Variants in TRAF3 observed in about 807,000 individuals in gnomAD.
TRAF3 encodes TNF receptor associated factor 3.
Under a neutral mutation model 62.3 loss-of-function variants are expected in TRAF3, and 13 were observed. The observed-to-expected ratio is 0.21, with a 90% CI of 0.14 to 0.33. The LOEUF is 0.33. TRAF3 is among the 10% of genes least tolerant of loss of function. The probability of loss-of-function intolerance (pLI) is 1.00; values close to 1 mark genes in which losing one functional copy is unlikely to be tolerated. For synonymous variants in TRAF3, 269 were observed against 283.4 expected (o/e 0.95, Z 0.51); for missense variants, 440 against 741.8 (o/e 0.59, Z 4.73).
intron 1 of TRAF3, among the ~76,000 whole-genome samples, chr14:102,778,322 GGGCTGGCC>G (rs1321538832): frequency 6.6e-6 from 1 of 151,866 alleles, no homozygotes; most frequent in Non-Finnish European, 1.5e-5. Context: ...GGCTCTCGGC[GGGCTGGCC>G]GGTTCCACGC....
chr14:102,811,913 C>CTTTTTTTTTGTTTTTT (rs1899196619), intron 1 of TRAF3, among the ~76,000 whole-genome samples: 1 of 47,076 alleles, frequency 2.1e-5, no homozygotes, highest in Non-Finnish European at 3.7e-5. Flanking sequence ...ATGCCTGGCC[C>CTTTTTTTTTGTTTTTT]TTTTTTTTTT....
Position 102,796,318 on chromosome 14 carries a change from G to A in TRAF3, c.-157+18643G>A, listed in dbSNP as rs527698448. 7.2e-5 allele frequency among the ~76,000 whole-genome samples: 11 copies of A among 152,306 alleles called. 3 individuals are homozygous for A. Among genetic ancestry groups the A allele is most frequent in the African/African-American group, 2.2e-4 (9 of 41,588 alleles). On this transcript the variant is annotated intron_variant, in intron 1 of 11. Transcript: ENST00000392745. The stretch of plus-strand genomic sequence containing the variant: ...CCCGAGGGAGGGCATGGAGGCTCCC[G>A]CCTGGCCTCATACCTCGCCCTTTGC...
At chr14:102,803,282 C>G (rs1025766802) in intron 1 of TRAF3, among the ~76,000 whole-genome samples, 2 of 152,150 alleles carry the variant, frequency 1.3e-5, no homozygotes, top group African/African-American at 4.8e-5. Flanking sequence ...CTTGGAATGT[C>G]AGCCCTCAGC....
At chr14:102,847,066 G>A (rs1017757763) in intron 2 of TRAF3, among the ~76,000 whole-genome samples, 3 of 152,036 alleles carry the variant, frequency 2.0e-5, no homozygotes, top group African/African-American at 7.3e-5. Context: ...TATAGTGCAT[G>A]TTCCATTAAA....
At chr14:102,789,736 A>G (rs529193672) in intron 1 of TRAF3, among the ~76,000 whole-genome samples, 2 of 152,020 alleles carry the variant, frequency 1.3e-5, no homozygotes, top group Non-Finnish European at 2.9e-5. Flanking sequence ...ATGTCTTTTC[A>G]TGTGACTCTT....
chr14:102,796,233 C>G (rs542168389), intron 1 of TRAF3, among the ~76,000 whole-genome samples: 2 of 152,268 alleles, frequency 1.3e-5, no homozygotes, highest in East Asian at 3.9e-4. Flanking sequence ...CAAACAAACA[C>G]TCAAGGACAG....
chr14:102,870,133 T>A, intron 2 of TRAF3, 52 bp from the exon 3 acceptor site: 1 of 1,613,116 alleles, frequency 6.2e-7, no homozygotes, highest in Non-Finnish European at 8.5e-7. Context: ...AAGCTGTGTT[T>A]GTTTCCTTGC....
chr14:102,855,612 A>G (rs1309719421), intron 2 of TRAF3, among the ~76,000 whole-genome samples: 1 of 152,094 alleles, frequency 6.6e-6, no homozygotes, highest in African/African-American at 2.4e-5. Flanking sequence ...CCTGGGCAAC[A>G]TGGTGAAACC....
At chr14:102,898,605 G>A (rs1890120843) in intron 10 of TRAF3, among the ~76,000 whole-genome samples, 1 of 152,200 alleles carries the variant, frequency 6.6e-6, no homozygotes, top group Admixed American at 6.5e-5. Flanking sequence ...AAAGGCCGGG[G>A]AAATCACCTC....
At chr14:102,865,058 G>C (rs1020481974) in intron 2 of TRAF3, among the ~76,000 whole-genome samples, 1 of 152,104 alleles carries the variant, frequency 6.6e-6, no homozygotes, top group Non-Finnish European at 1.5e-5. Flanking sequence ...TGTCCTATTT[G>C]CTTCAGGAGG....
intron 11 of TRAF3, among the ~76,000 whole-genome samples, chr14:102,904,106 C>G (rs1349785179): frequency 6.6e-6 from 1 of 152,148 alleles, no homozygotes; most frequent in Admixed American, 6.5e-5. Context: ...CTCCCACCAG[C>G]GGGCTTCCCA....
intron 2 of TRAF3, among the ~76,000 whole-genome samples, chr14:102,860,088 C>G (rs977540147): frequency 1.3e-5 from 2 of 152,224 alleles, no homozygotes; most frequent in Non-Finnish European, 2.9e-5. Context: ...TCTTATCTCT[C>G]AGTGGGGAAG....
At chr14:102,859,557 A>T (rs1027334002) in intron 2 of TRAF3, among the ~76,000 whole-genome samples, 2 of 152,256 alleles carry the variant, frequency 1.3e-5, no homozygotes, top group African/African-American at 4.8e-5. Flanking sequence ...GCGTTTAGCA[A>T]ACCTAAAATT....
chr14:102,828,883 C>A (rs1209561688), intron 1 of TRAF3, among the ~76,000 whole-genome samples: 2 of 151,886 alleles, frequency 1.3e-5, no homozygotes, highest in Non-Finnish European at 2.9e-5. Context: ...ATATTCATTT[C>A]TTTAACTTAA....
chr14:102,852,080 AAAAAG>A (rs1887076643), intron 2 of TRAF3, among the ~76,000 whole-genome samples: 1 of 152,162 alleles, frequency 6.6e-6, no homozygotes, highest in Non-Finnish European at 1.5e-5. Context: ...TCAAAAGAAA[AAAAAG>A]AAAAGAAATT....
intron 2 of TRAF3, among the ~76,000 whole-genome samples, chr14:102,863,155 C>T (rs975188073): frequency 1.3e-5 from 2 of 152,120 alleles, no homozygotes; most frequent in African/African-American, 2.4e-5. Flanking sequence ...TGCATGTGAA[C>T]CATACTTTCT....
intron 2 of TRAF3, among the ~76,000 whole-genome samples, chr14:102,852,061 GAAAT>G (rs760474721): frequency 3.3e-4 from 50 of 151,658 alleles, no homozygotes; most frequent in Admixed American, 1.3e-3. Flanking sequence ...GAAAATAAAA[GAAAT>G]AACCTCAAAA....
intron 8 of TRAF3, among the ~76,000 whole-genome samples, chr14:102,889,940 A>G (rs1028523216): frequency 7.2e-5 from 11 of 152,390 alleles, no homozygotes; most frequent in African/African-American, 1.9e-4. Context: ...GTTTTCAGAT[A>G]GATTGTTACG....
Position 102,885,514 on chromosome 14 carries a change from G to C in TRAF3, c.571-675G>C, listed in dbSNP as rs184219674. 5.7e-3 allele frequency among the ~76,000 whole-genome samples: 868 copies of C among 152,308 alleles called. 9 individuals are homozygous for C. The highest frequency in any genetic ancestry group is 9.8e-3 in the Admixed American group (150 of 15,300). On this transcript the variant is annotated intron_variant, in intron 6 of 11. Coordinates refer to ENST00000392745, the MANE Select transcript of TRAF3 (RefSeq NM_145725.3). ...TTGCCCTTGCTCTGCTCATGGACAGGCACCCAGCAGGTGCCCATGGGATAG... is the reference window on the plus strand; with the variant it reads ...TTGCCCTTGCTCTGCTCATGGACAGCCACCCAGCAGGTGCCCATGGGATAG...
Sources: allele counts gnomAD v4.1 joint callset (sites outside exome capture counted in the v4.1 genomes callset), GRCh38; gene constraint gnomAD v4.1.1; transcripts MANE v1.5; gene names NCBI Gene and HGNC (gene_info 2026-07-23, HGNC 2026-07-21).